The following SPAG16 variants were observed in gnomAD, a reference collection of about 807,000 sequenced individuals.
SPAG16 encodes the protein sperm associated antigen 16.
A neutral mutation model predicts 80.4 loss-of-function variants in SPAG16; 86 were observed. That is an observed-to-expected ratio of 1.07 (90% CI 0.90 to 1.28). The LOEUF (loss-of-function observed/expected upper bound fraction) is 1.28, where lower values mean the gene tolerates loss of function less well. Ranked by LOEUF, SPAG16 falls within the 50% of genes most tolerant of loss-of-function variation. The probability of loss-of-function intolerance (pLI) is 0.00; values close to 1 mark genes in which losing one functional copy is unlikely to be tolerated. For missense variants in SPAG16, 870 were observed against 765.3 expected (o/e 1.14, Z -1.61); for synonymous variants, 294 against 265.9 (o/e 1.11, Z -1.03).
chr2:214,012,721 G>A (rs1687439752), intron 12 of SPAG16, among the ~76,000 whole-genome samples: 1 of 152,026 alleles, frequency 6.6e-6, no homozygotes, highest in African/African-American at 2.4e-5. Context: ...TTATTTAAGA[G>A]CAATCAGTCA....
At chr2:213,465,157 A>G (rs1475188537) in intron 9 of SPAG16, among the ~76,000 whole-genome samples, 2 of 152,188 alleles carry the variant, frequency 1.3e-5, no homozygotes, top group African/African-American at 4.8e-5. Context: ...GTACTTAATG[A>G]GAGACCTATT....
At chr2:213,734,118 C>T (rs569122827) in intron 10 of SPAG16, among the ~76,000 whole-genome samples, 7 of 152,192 alleles carry the variant, frequency 4.6e-5, no homozygotes, top group South Asian at 4.2e-4. Flanking sequence ...ACTCTTGTGG[C>T]GTGCATTTAT....
intron 15 of SPAG16, among the ~76,000 whole-genome samples, chr2:214,180,436 A>C (rs2057275105): frequency 6.6e-6 from 1 of 151,730 alleles, no homozygotes; most frequent in South Asian, 2.1e-4. Flanking sequence ...TCAGATATAT[A>C]GTCCTGTTAT....
intron 10 of SPAG16, among the ~76,000 whole-genome samples, chr2:213,671,151 C>T (rs2063798527): frequency 6.6e-6 from 1 of 152,128 alleles, no homozygotes; most frequent in African/African-American, 2.4e-5. Context: ...CTCATTTTAA[C>T]ATACTAGAAA....
chr2:214,123,881 T>C (rs148384049), intron 14 of SPAG16, among the ~76,000 whole-genome samples: 33 of 152,158 alleles, frequency 2.2e-4, no homozygotes, highest in African/African-American at 7.7e-4. Flanking sequence ...TAGGAATAGA[T>C]TAAACAGGTG....
At chr2:213,357,203 G>A (rs1475436643) in intron 7 of SPAG16, among the ~76,000 whole-genome samples, 1 of 152,094 alleles carries the variant, frequency 6.6e-6, no homozygotes, top group African/African-American at 2.4e-5. Context: ...GAATAAGCGC[G>A]ATATGGTGCC....
chr2:214,156,279 C>T (rs1008936324), intron 15 of SPAG16, among the ~76,000 whole-genome samples: 1 of 152,162 alleles, frequency 6.6e-6, no homozygotes, highest in Non-Finnish European at 1.5e-5. Context: ...TCCAACCTTA[C>T]ACTGCAGTGT....
chr2:213,783,367 T>C (rs1339408574), intron 10 of SPAG16, among the ~76,000 whole-genome samples: 1 of 151,370 alleles, frequency 6.6e-6, no homozygotes, highest in Non-Finnish European at 1.5e-5. Context: ...AGAGTGAAGA[T>C]TTTGAAGCCT....
chr2:213,654,954 G>A (rs2063166913), intron 10 of SPAG16, among the ~76,000 whole-genome samples: 1 of 152,206 alleles, frequency 6.6e-6, no homozygotes, highest in Non-Finnish European at 1.5e-5. Context: ...GATGTTCATA[G>A]TGATTACTCT....
intron 13 of SPAG16, among the ~76,000 whole-genome samples, chr2:214,082,057 C>T (rs1227016573): frequency 2.0e-5 from 3 of 152,138 alleles, no homozygotes; most frequent in African/African-American, 7.2e-5. Flanking sequence ...ATATCCTCTT[C>T]TTATGTCTTT....
At chr2:213,986,718 A>C (rs569737804) in intron 12 of SPAG16, among the ~76,000 whole-genome samples, 3 of 151,810 alleles carry the variant, frequency 2.0e-5, no homozygotes, top group Non-Finnish European at 2.9e-5. Context: ...CTTAGGAGAC[A>C]TAATAGGTTT....
chr2:213,289,793 A>G (rs2062197226), intron 1 of SPAG16, among the ~76,000 whole-genome samples: 1 of 152,268 alleles, frequency 6.6e-6, no homozygotes, highest in Admixed American at 6.5e-5. Context: ...TTGGGAAATC[A>G]TGTAAAATAT....
At chr2:213,956,281 C>G (rs2044131377) in intron 12 of SPAG16, among the ~76,000 whole-genome samples, 1 of 151,630 alleles carries the variant, frequency 6.6e-6, no homozygotes, top group African/African-American at 2.4e-5. Flanking sequence ...AATTGTTTTT[C>G]TATTCTCTTT....
intron 12 of SPAG16, among the ~76,000 whole-genome samples, chr2:214,007,456 A>T (rs546492582): frequency 6.6e-6 from 1 of 152,276 alleles, no homozygotes; most frequent in South Asian, 2.1e-4. Flanking sequence ...GTGTGAAATT[A>T]AAAAGTTTGG....
chr2:213,422,127 C>T, intron 9 of SPAG16: 1 of 690,624 alleles, frequency 1.4e-6, no homozygotes, highest in South Asian at 1.5e-5. Flanking sequence ...CCCCTGCTTG[C>T]CACTTTGCAG....
chr2:214,326,916 G>A (rs1212550140), intron 15 of SPAG16, among the ~76,000 whole-genome samples: 1 of 121,592 alleles, frequency 8.2e-6, no homozygotes, highest in African/African-American at 3.2e-5. Flanking sequence ...CTGCGCTCCA[G>A]CCTGGGCGAC....
At chr2:213,294,075 C>A (rs1247278244) in intron 1 of SPAG16, among the ~76,000 whole-genome samples, 2 of 152,064 alleles carry the variant, frequency 1.3e-5, no homozygotes, top group African/African-American at 4.8e-5. Context: ...ATGAACATCC[C>A]CCCATTTTCC....
chr2:214,129,241 C>T (rs779834099), intron 14 of SPAG16, among the ~76,000 whole-genome samples: 2 of 152,126 alleles, frequency 1.3e-5, no homozygotes, highest in Non-Finnish European at 2.9e-5. Flanking sequence ...CCCTCAGCTT[C>T]GTTTCTTTAA....
intron 10 of SPAG16, among the ~76,000 whole-genome samples, chr2:213,677,159 A>T (rs1170174970): frequency 1.3e-5 from 2 of 152,184 alleles, no homozygotes; most frequent in African/African-American, 2.4e-5. Context: ...GCCGCTGTAA[A>T]ATCATGCCAA....
Sources: gnomAD v4.1 joint callset for allele counts (sites outside exome capture counted in the v4.1 genomes callset) on GRCh38, gnomAD v4.1.1 for gene constraint, MANE v1.5 for transcripts, NCBI Gene and HGNC (gene_info 2026-07-23, HGNC 2026-07-21) for gene names.